The following REDIC1 variants were observed in gnomAD, a reference collection of about 807,000 sequenced individuals.
The protein encoded by REDIC1 is regulator of DNA class I crossover intermediates 1.
chr12:39,758,512 A>G, the REDIC1 span: 1 of 152,100 alleles, frequency 6.6e-6, no homozygotes, highest in South Asian at 2.1e-4. Flanking sequence ...AGATTCATTC[A>G]TATTTTTCCT....
the REDIC1 span, among the ~76,000 whole-genome samples, chr12:39,895,731 TACGTACACAC>T: frequency 6.0e-4 from 74 of 124,194 alleles, 21 homozygotes; most frequent in Non-Finnish European, 8.0e-4. Flanking sequence ...TATGCGTGTA[TACGTACACAC>T]ATGTATATGC....
chr12:39,645,065 C>T, the REDIC1 span, among the ~76,000 whole-genome samples: 1 of 151,808 alleles, frequency 6.6e-6, no homozygotes. Context: ...TCTTTGTGAC[C>T]CTGCGTCTTC....
At chr12:39,791,047 G>C in the REDIC1 span, among the ~76,000 whole-genome samples, 1 of 130,616 alleles carries the variant, frequency 7.7e-6, no homozygotes, top group African/African-American at 2.9e-5. Flanking sequence ...CATGTCCTTT[G>C]CCCACTTTTT....
At chr12:39,830,125 T>C in the REDIC1 span, 11 of 1,613,610 alleles carry the variant, frequency 6.8e-6, no homozygotes, top group Admixed American at 1.7e-5. Context: ...GCCTCATTTG[T>C]AGATGCTTTA....
the REDIC1 span, among the ~76,000 whole-genome samples, chr12:39,847,282 C>T: frequency 3.2e-5 from 3 of 93,754 alleles, no homozygotes; most frequent in Non-Finnish European, 6.7e-5. Context: ...GTGGCCTATC[C>T]CTACATTCAT....
At chr12:39,699,836 G>A in the REDIC1 span, among the ~76,000 whole-genome samples, 1 of 152,174 alleles carries the variant, frequency 6.6e-6, no homozygotes, top group East Asian at 1.9e-4. Context: ...GTGGTAGACT[G>A]ACACCTCACA....
At chr12:39,630,305 A>G in the REDIC1 span, among the ~76,000 whole-genome samples, 1 of 152,154 alleles carries the variant, frequency 6.6e-6, no homozygotes, top group South Asian at 2.1e-4. Context: ...TAAATATACC[A>G]CTATACATGC....
At chr12:39,878,604 A>T in the REDIC1 span, among the ~76,000 whole-genome samples, 1 of 152,242 alleles carries the variant, frequency 6.6e-6, no homozygotes, top group Non-Finnish European at 1.5e-5. Flanking sequence ...GCATTCAAGA[A>T]GTCGCCTGTC....
At chr12:39,633,355 A>G in the REDIC1 span, among the ~76,000 whole-genome samples, 1 of 152,166 alleles carries the variant, frequency 6.6e-6, no homozygotes, top group Non-Finnish European at 1.5e-5. Flanking sequence ...TCACCTCTAC[A>G]TCTTGTTCCA....
chr12:39,764,628 T>C, the REDIC1 span: 1 of 1,581,132 alleles, frequency 6.3e-7, no homozygotes, highest in Non-Finnish European at 8.6e-7. Context: ...AAATAAAACA[T>C]TAAAAACTTT....
At chr12:39,650,480 A>G in the REDIC1 span, 2 of 1,235,616 alleles carry the variant, frequency 1.6e-6, no homozygotes. This position sits in a 1 kb window ranked among gnomAD's most constrained non-coding sequence, Gnocchi z 4.3. Context: ...ATACTTCTAG[A>G]AAAAAATTCA....
the REDIC1 span, among the ~76,000 whole-genome samples, chr12:39,906,413 A>G: frequency 2.0e-5 from 3 of 152,136 alleles, no homozygotes; most frequent in Admixed American, 2.0e-4. Flanking sequence ...GCATACCTAC[A>G]CACAATAGAT....
chr12:39,646,802 C>G, the REDIC1 span: 1 of 1,225,760 alleles, frequency 8.2e-7, no homozygotes. Context: ...GATTTTATTT[C>G]AATTTATATT....
chr12:39,728,661 A>G, the REDIC1 span, among the ~76,000 whole-genome samples: 1 of 152,158 alleles, frequency 6.6e-6, no homozygotes, highest in Non-Finnish European at 1.5e-5. Flanking sequence ...CTGGCCTCAT[A>G]AAATGAGTTA....
chr12:39,805,138 A>AGGGCC, the REDIC1 span, among the ~76,000 whole-genome samples: 1 of 148,632 alleles, frequency 6.7e-6, no homozygotes, highest in African/African-American at 2.5e-5. Context: ...CAGCAAGGGC[A>AGGGCC]GGCCAGGCCA....
chr12:39,777,904 C>T, the REDIC1 span, among the ~76,000 whole-genome samples: 2 of 152,206 alleles, frequency 1.3e-5, no homozygotes, highest in Non-Finnish European at 2.9e-5. Flanking sequence ...CCCTAGGATA[C>T]AGAAAGCCCT....
At chr12:39,860,061 T>C in the REDIC1 span, among the ~76,000 whole-genome samples, 1 of 152,150 alleles carries the variant, frequency 6.6e-6, no homozygotes, top group Admixed American at 6.5e-5. Context: ...AAAGAAGCTG[T>C]TGTGTCGTTG....
the REDIC1 span, among the ~76,000 whole-genome samples, chr12:39,858,316 G>C: frequency 5.3e-5 from 8 of 152,012 alleles, no homozygotes; most frequent in African/African-American, 1.7e-4. Context: ...TCTCCAATGG[G>C]TCTGTAGATA....
the REDIC1 span, among the ~76,000 whole-genome samples, chr12:39,712,595 A>G: frequency 6.9e-6 from 1 of 144,988 alleles, no homozygotes; most frequent in African/African-American, 2.5e-5. Flanking sequence ...ATATACGTAT[A>G]TACATATATA....
Sources: gnomAD v4.1 joint callset for allele counts (sites outside exome capture counted in the v4.1 genomes callset) on GRCh38, gnomAD v4.1.1 for gene constraint, Gnocchi (gnomAD v3.1) non-coding constraint, MANE v1.5 for transcripts, NCBI Gene and HGNC (gene_info 2026-07-23, HGNC 2026-07-21) for gene names.